The following TADA2B variants were observed in gnomAD, a reference collection of about 807,000 sequenced individuals.
TADA2B encodes the protein transcriptional adaptor 2B.
In TADA2B, 13 loss-of-function variants were observed where a neutral mutation model predicts 34.5. The ratio of observed to expected loss-of-function variants is 0.38; its 90% confidence interval spans 0.25 to 0.60. The LOEUF (loss-of-function observed/expected upper bound fraction) is 0.60. Among genes scored for constraint, TADA2B ranks in the 20% least tolerant of loss-of-function variants. The pLI, the probability that TADA2B is intolerant of heterozygous loss-of-function variation, is 0.65. For synonymous variants in TADA2B, 240 were observed against 243.4 expected, an observed-to-expected ratio of 0.99 and a Z score of 0.13; for missense variants, 442 against 575.0, an observed-to-expected ratio of 0.77 and a Z score of 2.37.
At chr4:7,050,477 G>A (rs1043294491) in intron 1 of TADA2B, among the ~76,000 whole-genome samples, 28 of 152,240 alleles carry the variant, frequency 1.8e-4, no homozygotes, top group African/African-American at 6.3e-4. Flanking sequence ...CTTTGGAGAC[G>A]ACGCCTGGCC....
At chr4:7,044,474 T>C (rs1375751187) in intron 1 of TADA2B, among the ~76,000 whole-genome samples, 1 of 152,112 alleles carries the variant, frequency 6.6e-6, no homozygotes, top group African/African-American at 2.4e-5. Flanking sequence ...TGGGTTTTGC[T>C]CTCTTTACCT....
In TADA2B at chr4:7,054,323, G is replaced by T; in HGVS notation, c.532G>T (p.Asp178Tyr). 1.2e-6 allele frequency: 2 copies of T among 1,613,418 alleles called. No homozygotes were observed. Among genetic ancestry groups the T allele is most frequent in the South Asian group, 2.2e-5 (2 of 91,070 alleles). ...GCGGGATGATTACGAGATCGAGTAT[G>T]ACCAGGATGCCGAGACGCTCATCAG... is the stretch of plus-strand genomic sequence containing the variant. ...PLRDDYEIEY[D>Y]QDAETLISGL... is the part of the protein sequence containing the mutation. Residue 178 changes from aspartate (D) to tyrosine (Y), a missense_variant, in exon 2 of 2, where the codon GAC (aspartate) becomes TAC (tyrosine). Around this residue, in one of 4 missense-constraint regions of TADA2B, gnomAD observed 222 missense variants for 235.2 expected, o/e 0.94. Transcript: ENST00000310074.
intron 1 of TADA2B, among the ~76,000 whole-genome samples, chr4:7,044,415 TG>T (rs1723569954): frequency 6.6e-6 from 1 of 152,156 alleles, no homozygotes; most frequent in Non-Finnish European, 1.5e-5. Context: ...CTTGTGCGAA[TG>T]GTCAGTAAAG....
chr4:7,054,263 G>C lies in TADA2B; in HGVS notation c.472G>C (p.Val158Leu). 6.2e-7 allele frequency: 1 copy of C among 1,612,340 alleles called. No individual in the cohort carries two copies. Among genetic ancestry groups the C allele is most frequent in the Non-Finnish European group, 8.5e-7 (1 of 1,179,374 alleles). The change falls in exon 2 of 2, where the codon GTG becomes CTG. Residue 158 changes from valine (V) to leucine (L), a missense_variant. Around this residue, in one of 4 missense-constraint regions of TADA2B, gnomAD observed 222 missense variants for 235.2 expected, o/e 0.94. Transcript: ENST00000310074. ...TTPLPPLDIS[V>L]AEQQQLGYMP... ...CCCGCTGCCCCCGCTGGACATCTCT[G>C]TGGCTGAGCAGCAGCAGCTGGGCTA... is the stretch of plus-strand genomic sequence containing the variant.
chr4:7,043,822 C>G lies in TADA2B; in HGVS notation c.243C>G (p.Ala81=). Residue 81 remains alanine (A), a synonymous_variant, in exon 1 of 2, where the codon GCC becomes GCG. Transcript: ENST00000310074. ...TSREEQLLLD[A]IEQFGFGNWE... ...GCGAGGAGCAGCTGCTGCTGGACGCCATCGAGCAGTTCGGCTTCGGAAACT... is the reference window on the plus strand; with the variant it reads ...GCGAGGAGCAGCTGCTGCTGGACGCGATCGAGCAGTTCGGCTTCGGAAACT... The G allele has an allele frequency of 2.7e-6, 4 of 1,498,926 alleles. No homozygotes were observed. The highest frequency in any genetic ancestry group is 2.7e-6 in the Non-Finnish European group (3 of 1,122,504). 92.9% of individuals were successfully genotyped at this position (1,498,926 alleles called of 1,614,324 possible).
Position 7,057,729 on chromosome 4 carries a change from G to C in TADA2B, c.*2675G>C, listed in dbSNP as rs1723927161. ...TTGAACCTGGGAGGCGGAGGTTGCG[G>C]TGAGCTGAGATCACGCCACTACACT... On this transcript the variant is annotated 3_prime_UTR_variant, in exon 2 of 2. Transcript: ENST00000310074. The C allele has an allele frequency of 6.6e-6, 1 of 152,088 alleles. No individual in the cohort carries two copies. The highest frequency in any genetic ancestry group is 2.1e-4 in the South Asian group (1 of 4,820). The allele number at this position is 152,088 out of a possible 1,614,324, so 9.4% of individuals were successfully genotyped here.
At chr4:7,046,397 G>C (rs151059617) in intron 1 of TADA2B, among the ~76,000 whole-genome samples, 14 of 152,334 alleles carry the variant, frequency 9.2e-5, no homozygotes, top group African/African-American at 3.1e-4. Flanking sequence ...TATGTGTCCT[G>C]TGGGATCTTC....
At chr4:7,051,115 C>G (rs1723757582) in intron 1 of TADA2B, among the ~76,000 whole-genome samples, 1 of 152,204 alleles carries the variant, frequency 6.6e-6, no homozygotes, top group African/African-American at 2.4e-5. Flanking sequence ...AAAAGGAGGG[C>G]TGGCAGGTCA....
rs776812640 is a variant in TADA2B, at chr4:7,043,642, C to G, written c.63C>G (p.Phe21Leu). ...TGGCCGAGGTGAGCCCGCTGCGCTTCCGCTGCACCGAGTGCCAGGACATCG... is the reference window on the plus strand; with the variant it reads ...TGGCCGAGGTGAGCCCGCTGCGCTTGCGCTGCACCGAGTGCCAGGACATCG... ...YCLAEVSPLR[F>L]RCTECQDIEL... The change falls in exon 1 of 2, where the codon TTC becomes TTG. Residue 21 changes from phenylalanine to leucine, a missense_variant. Transcript: ENST00000310074. 2 of 1,555,994 alleles carry G rather than the reference C, an allele frequency of 1.3e-6. No homozygotes were observed. Among genetic ancestry groups the G allele is most frequent in the African/African-American group, 2.8e-5 (2 of 72,252 alleles).
intron 1 of TADA2B, chr4:7,053,769 C>G (rs1577217483): frequency 2.8e-6 from 1 of 360,450 alleles, no homozygotes; most frequent in Admixed American, 4.3e-5. Flanking sequence ...GCCAGGGGTT[C>G]TGGCCTCAGC....
intron 1 of TADA2B, among the ~76,000 whole-genome samples, chr4:7,050,914 G>C (rs941483262): frequency 6.6e-6 from 1 of 152,198 alleles, no homozygotes; most frequent in African/African-American, 2.4e-5. Flanking sequence ...ACATTACCTG[G>C]TGTGGAAGTG....
At position 7,055,984 on chromosome 4, in the gene TADA2B, T is replaced by A. The variant is rs538027819; in HGVS notation, c.*930T>A. ...AAGTTCAAGGCTAAGAGTTCTGAAT[T>A]CTGGCGTCAGCTTCCTCAGGATTTT... On this transcript the variant is annotated 3_prime_UTR_variant, in exon 2 of 2. Coordinates refer to ENST00000310074, the MANE Select transcript of TADA2B (RefSeq NM_152293.3). The A allele has an allele frequency of 6.6e-6, 1 of 152,402 alleles. No individual in the cohort carries two copies. The highest frequency in any genetic ancestry group is 2.1e-4 in the South Asian group (1 of 4,832). The allele number at this position is 152,402 out of a possible 1,614,324, so 9.4% of individuals were successfully genotyped here.
In TADA2B at chr4:7,057,206, A is replaced by G. The variant is rs372438607; in HGVS notation, c.*2152A>G. ...TATGGCCCAGGCCAAGAGCTGTCAA[A>G]TGAAAAACTTTGTGCTGAAGCAGGT... On this transcript the variant is annotated 3_prime_UTR_variant, in exon 2 of 2. Transcript: ENST00000310074. 2.6e-5 allele frequency: 4 copies of G among 152,382 alleles called. No homozygotes were observed. The highest frequency in any genetic ancestry group is 6.5e-5 in the Admixed American group (1 of 15,304). 9.4% of individuals were successfully genotyped at this position (152,382 alleles called of 1,614,324 possible). A position where few individuals can be genotyped will look rare whatever the true frequency, so the allele number is the denominator to read the frequency against.
At chr4:7,048,039 C>G (rs1053948359) in intron 1 of TADA2B, among the ~76,000 whole-genome samples, 3 of 152,244 alleles carry the variant, frequency 2.0e-5, no homozygotes, top group African/African-American at 7.2e-5. Flanking sequence ...GACTCCATGC[C>G]TAGAACCATC....
rs948831561 is a variant in TADA2B, at chr4:7,056,496, A to G, written c.*1442A>G. ...CCAGAATGTTTGGGCTTGAAGTTAC[A>G]TTAAAGTGAAGTTATTTGAAAGAAA... On this transcript the variant is annotated 3_prime_UTR_variant, in exon 2 of 2. Transcript: ENST00000310074. 1 of 152,524 alleles carries G rather than the reference A, an allele frequency of 6.6e-6. No individual in the cohort carries two copies. The highest frequency in any genetic ancestry group is 2.4e-5 in the African/African-American group (1 of 41,466). The allele number at this position is 152,524 out of a possible 1,614,324, so 9.4% of individuals were successfully genotyped here.
chr4:7,044,780 C>T (rs532665449), intron 1 of TADA2B, among the ~76,000 whole-genome samples: 4 of 152,300 alleles, frequency 2.6e-5, no homozygotes, highest in Non-Finnish European at 4.4e-5. Context: ...TCTTCCCCTG[C>T]TACACCAGGT....
chr4:7,044,313 A>G (rs189643943), intron 1 of TADA2B, among the ~76,000 whole-genome samples: 31 of 152,252 alleles, frequency 2.0e-4, no homozygotes, highest in Admixed American at 5.2e-4. Flanking sequence ...GCTTTCTGTC[A>G]CTGTATGCAT....
intron 1 of TADA2B, among the ~76,000 whole-genome samples, chr4:7,046,678 G>A (rs1040417912): frequency 2.6e-5 from 4 of 152,226 alleles, no homozygotes; most frequent in Non-Finnish European, 5.9e-5. Context: ...GGCAGGGCCT[G>A]GACTCATGGG....
At position 7,043,747 on chromosome 4, in the gene TADA2B, C is replaced by T; in HGVS notation, c.168C>T (p.Gly56=). ...RRYHGYQLVD[G]GRFTLWGPEA... ...ACCACGGCTACCAGCTGGTGGACGG[C>T]GGGCGCTTCACGCTCTGGGGGCCCG... The change falls in exon 1 of 2, where the codon GGC becomes GGT. Residue 56 remains glycine (G), a synonymous_variant. Coordinates refer to ENST00000310074, the MANE Select transcript of TADA2B (RefSeq NM_152293.3). 2 of 1,584,724 alleles carry T rather than the reference C, an allele frequency of 1.3e-6. No individual in the cohort carries two copies. The highest frequency in any genetic ancestry group is 1.7e-6 in the Non-Finnish European group (2 of 1,171,312).
Sources: gnomAD v4.1 joint callset for allele counts (sites outside exome capture counted in the v4.1 genomes callset) on GRCh38, gnomAD v4.1.1 for gene constraint, gnomAD v4.1.1 regional missense constraint, MANE v1.5 for transcripts, NCBI Gene and HGNC (gene_info 2026-07-23, HGNC 2026-07-21) for gene names.